CBFA2T3: variants seen among roughly 807,000 people sequenced by gnomAD.
The protein encoded by CBFA2T3 is transcriptional corepressor CBFA2T3.
A neutral mutation model predicts 58.6 loss-of-function variants in CBFA2T3; 31 were observed. That is an observed-to-expected ratio of 0.53 (90% CI 0.40 to 0.71). The LOEUF (loss-of-function observed/expected upper bound fraction) is 0.71. Among genes scored for constraint, CBFA2T3 ranks in the 30% least tolerant of loss-of-function variants. The pLI, the probability that CBFA2T3 is intolerant of heterozygous loss-of-function variation, is 0.00. For synonymous variants in CBFA2T3, 531 were observed against 421.9 expected, an observed-to-expected ratio of 1.26 and a Z score of -3.17; for missense variants, 1,076 against 963.1, an observed-to-expected ratio of 1.12 and a Z score of -1.55.
At position 88,875,087 on chromosome 16, in the gene CBFA2T3, GCA is replaced by G. The variant is rs1597647292; in HGVS notation, c.*1887_*1888del. On this transcript the variant is annotated 3_prime_UTR_variant, in exon 12 of 12. Coordinates refer to ENST00000268679, the MANE Select transcript of CBFA2T3 (RefSeq NM_005187.6). ...TGCCAGGCCACGGGCCACGCCACGC[GCA>G]CAGATGCCAGGCCACGGGCCACGCC... 1.7e-5 allele frequency: 4 copies of G among 230,000 alleles called. No homozygotes were observed. Among genetic ancestry groups the G allele is most frequent in the East Asian group, 6.1e-5 (1 of 16,384 alleles). The allele number at this position is 230,000 out of a possible 1,614,324, so 14.2% of individuals were successfully genotyped here.
intron 1 of CBFA2T3, among the ~76,000 whole-genome samples, chr16:88,907,993 T>TC (rs1970395787): frequency 6.6e-6 from 1 of 151,970 alleles, no homozygotes; most frequent in African/African-American, 2.4e-5. Flanking sequence ...TGCCAGTTCC[T>TC]CCCCCAGCCC....
intron 1 of CBFA2T3, among the ~76,000 whole-genome samples, chr16:88,945,989 G>C (rs1971891919): frequency 6.6e-6 from 1 of 152,192 alleles, no homozygotes; most frequent in South Asian, 2.1e-4. Context: ...CATGACAAAA[G>C]TAGTGAGCTA....
intron 1 of CBFA2T3, among the ~76,000 whole-genome samples, chr16:88,908,974 G>A (rs1208567919): frequency 6.6e-6 from 1 of 152,002 alleles, no homozygotes; most frequent in Non-Finnish European, 1.5e-5. Flanking sequence ...CCTGGCTCTG[G>A]ATCCGATCCT....
intron 1 of CBFA2T3, among the ~76,000 whole-genome samples, chr16:88,906,654 C>T (rs1220516912): frequency 6.6e-6 from 1 of 152,228 alleles, no homozygotes; most frequent in Non-Finnish European, 1.5e-5. Context: ...CACGGAGGAA[C>T]CTGGTGCCCC....
At chr16:88,940,420 C>T (rs1268962332) in intron 1 of CBFA2T3, 1 of 153,064 alleles carries the variant, frequency 6.5e-6, no homozygotes, top group Non-Finnish European at 1.5e-5. Context: ...GTTCCCACAG[C>T]CTGGCTCGGG....
intron 1 of CBFA2T3, among the ~76,000 whole-genome samples, chr16:88,908,586 A>G (rs1296099735): frequency 6.6e-6 from 1 of 152,154 alleles, no homozygotes; most frequent in African/African-American, 2.4e-5. Context: ...CGCCCTGCCC[A>G]GCTGGGAAAC....
chr16:88,948,170 A>G (rs573962573), intron 1 of CBFA2T3, among the ~76,000 whole-genome samples: 42 of 152,220 alleles, frequency 2.8e-4, no homozygotes, highest in Non-Finnish European at 5.3e-4. Context: ...TGAGAGTCAG[A>G]TGCCGCAAGC....
intron 9 of CBFA2T3, 86 bp downstream of exon 9, chr16:88,881,205 G>C (rs1051591573): frequency 8.3e-7 from 1 of 1,203,260 alleles, no homozygotes; most frequent in Non-Finnish European, 1.2e-6. Flanking sequence ...CTGGTGTTTC[G>C]TTGCATTGCC....
intron 1 of CBFA2T3, among the ~76,000 whole-genome samples, chr16:88,971,758 G>A (rs889283915): frequency 6.6e-6 from 1 of 152,228 alleles, no homozygotes; most frequent in Non-Finnish European, 1.5e-5. Context: ...GCTGCCCCTG[G>A]CCGACGTCTC....
intron 1 of CBFA2T3, among the ~76,000 whole-genome samples, chr16:88,969,803 C>T (rs560141515): frequency 6.6e-6 from 1 of 152,312 alleles, no homozygotes; most frequent in Admixed American, 6.5e-5. Context: ...GCACCGTGGA[C>T]CCGGTCCAGT....
At position 88,953,565 on chromosome 16, in the gene CBFA2T3, C is replaced by A. The variant is rs566989064; in HGVS notation, c.151+23092G>T. ...AGTGGGGATCAGGATCTGGCAGGAT[C>A]GGAATGTAGAGGCCTGGGGGCTCCC... On this transcript the variant is annotated intron_variant, in intron 1 of 11. Coordinates refer to ENST00000268679, the MANE Select transcript of CBFA2T3 (RefSeq NM_005187.6). The surrounding 1 kb of genome is among the most constrained non-coding windows in gnomAD (Gnocchi z 4.9). Among the ~76,000 whole-genome samples the A allele has an allele frequency of 6.6e-6, 1 of 151,612 alleles. No homozygotes were observed. The highest frequency in any genetic ancestry group is 1.5e-5 in the Non-Finnish European group (1 of 67,984).
chr16:88,891,613 G>C (rs906550074), intron 5 of CBFA2T3, among the ~76,000 whole-genome samples: 1 of 152,204 alleles, frequency 6.6e-6, no homozygotes, highest in Admixed American at 6.5e-5. Flanking sequence ...TCCTGTGCTG[G>C]ATTTAAGGGC....
At chr16:88,968,498 A>C (rs1190525526) in intron 1 of CBFA2T3, among the ~76,000 whole-genome samples, 1 of 152,218 alleles carries the variant, frequency 6.6e-6, no homozygotes, top group African/African-American at 2.4e-5. Context: ...GGGTGGGAGA[A>C]GCCCCTGGGG....
chr16:88,923,864 C>T (rs1176657292), intron 1 of CBFA2T3, among the ~76,000 whole-genome samples: 2 of 152,188 alleles, frequency 1.3e-5, no homozygotes, highest in Non-Finnish European at 2.9e-5. Flanking sequence ...AAAGGTGGGG[C>T]CGGGGGAGGA....
At chr16:88,931,999 C>T (rs907501654) in intron 1 of CBFA2T3, among the ~76,000 whole-genome samples, 8 of 152,094 alleles carry the variant, frequency 5.3e-5, no homozygotes, top group African/African-American at 7.2e-5. Flanking sequence ...CCTCCTGGCC[C>T]GGTTTTCACA....
chr16:88,911,728 G>A lies in CBFA2T3; in HGVS notation c.152-10072C>T, dbSNP rs533313940. ...CCTGGCCACCCAGCTGTCATGCTTC[G>A]GGCTATCTGTCCGGCCACAACGGCC... On this transcript the variant is annotated intron_variant, in intron 1 of 11. Transcript: ENST00000268679. Among the ~76,000 whole-genome samples the A allele has an allele frequency of 4.1e-4, 62 of 152,382 alleles. No individual in the cohort carries two copies. In the South Asian group the frequency reaches 0.012, roughly 29 times the overall value.
intron 1 of CBFA2T3, among the ~76,000 whole-genome samples, chr16:88,971,455 T>G (rs1219474274): frequency 6.6e-6 from 1 of 152,152 alleles, no homozygotes; most frequent in African/African-American, 2.4e-5. Context: ...TCTGCCCACC[T>G]GAGAGAGCTG....
chr16:88,911,413 C>T (rs1369315476), intron 1 of CBFA2T3, among the ~76,000 whole-genome samples: 1 of 152,234 alleles, frequency 6.6e-6, no homozygotes, highest in Non-Finnish European at 1.5e-5. Context: ...TGCAGTGCCT[C>T]TTTGGGTGGG....
At chr16:88,963,518 C>G (rs560126294) in intron 1 of CBFA2T3, among the ~76,000 whole-genome samples, 2 of 152,140 alleles carry the variant, frequency 1.3e-5, no homozygotes, top group Non-Finnish European at 2.9e-5. Context: ...CAGTGAATCC[C>G]GGCCCCAGGA....
Sources: gnomAD v4.1 joint callset for allele counts (sites outside exome capture counted in the v4.1 genomes callset) on GRCh38, gnomAD v4.1.1 for gene constraint, Gnocchi (gnomAD v3.1) non-coding constraint, MANE v1.5 for transcripts, NCBI Gene and HGNC (gene_info 2026-07-23, HGNC 2026-07-21) for gene names.